NT5DC2: variants seen among roughly 807,000 people sequenced by gnomAD.
NT5DC2 encodes the protein 5'-nucleotidase domain-containing protein 2.
In NT5DC2, 41 loss-of-function variants were observed where a neutral mutation model predicts 70.0. The observed-to-expected ratio is 0.59, with a 90% CI of 0.46 to 0.76. NT5DC2 has a LOEUF of 0.76. NT5DC2 is among the 30% of genes least tolerant of loss of function. The probability of loss-of-function intolerance (pLI) is 0.00; values close to 1 mark genes in which losing one functional copy is unlikely to be tolerated. For missense variants in NT5DC2, 705 were observed against 783.2 expected, an observed-to-expected ratio of 0.90 and a Z score of 1.19; for synonymous variants, 299 against 310.4, an observed-to-expected ratio of 0.96 and a Z score of 0.39.
rs770668520 is a variant in NT5DC2 at position 52,524,748 on chromosome 3, G to A, written c.1413-17C>T. ...GTGATGCACCTGGCGAGGGAGACAC[G>A]ATGCGCTCAAGGGGTGGGCCTGGGG... On this transcript the variant is annotated splice_polypyrimidine_tract_variant and intron_variant, in intron 13 of 13. Coordinates refer to ENST00000422318, the MANE Select transcript of NT5DC2 (RefSeq NM_001134231.2). 9 of 1,612,488 alleles carry A rather than the reference G, an allele frequency of 5.6e-6. No individual in the cohort carries two copies. The highest frequency in any genetic ancestry group is 5.3e-5 in the African/African-American group (4 of 74,920).
At chr3:52,532,825 C>T (rs2079378736) in intron 1 of NT5DC2, among the ~76,000 whole-genome samples, 3 of 152,154 alleles carry the variant, frequency 2.0e-5, no homozygotes. Context: ...CCAGCACTCT[C>T]AGCTCTGGGG....
chr3:52,529,114 C>A lies in NT5DC2; in HGVS notation c.417+36G>T. The A allele has an allele frequency of 6.2e-7, 1 of 1,613,018 alleles. No homozygotes were observed. ...AAGGTGGGTCTGGCCAGCCTCCAAG[C>A]CCTGGGTTTGTTGGTGGCAAGGACC... On this transcript the variant is annotated intron_variant, in intron 2 of 13. Coordinates refer to ENST00000422318, the MANE Select transcript of NT5DC2 (RefSeq NM_001134231.2). This position sits in a 1 kb window ranked among gnomAD's most constrained non-coding sequence, Gnocchi z 4.1.
At chr3:52,525,555 C>T (rs1240043296) in intron 10 of NT5DC2, 4 of 503,618 alleles carry the variant, frequency 7.9e-6, no homozygotes, top group African/African-American at 1.9e-5. Flanking sequence ...TGGTCTCACA[C>T]GTACCCCAGG....
At position 52,524,825 on chromosome 3, in the gene NT5DC2, C is replaced by T; in HGVS notation, c.1404G>A (p.Gln468=). 6.2e-7 allele frequency: 1 copy of T among 1,612,666 alleles called. No individual in the cohort carries two copies. The highest frequency in any genetic ancestry group is 8.5e-7 in the Non-Finnish European group (1 of 1,179,992). ...QVLAAWMKER[Q]ELRCITKALF... ...TGGCCCCACCTGCTCACCTCAGCTC[C>T]TGCCGCTCTTTCATCCAGGCAGCCA... Residue 468 remains glutamine (Q), a synonymous_variant, in exon 13 of 14, where the codon CAG becomes CAA. Transcript: ENST00000422318.
At chr3:52,525,788 A>G (rs78343755) in intron 10 of NT5DC2, 6,684 of 166,378 alleles carry the variant, frequency 0.04, 416 homozygotes, top group African/African-American at 0.13. Flanking sequence ...TGAGCGGCCC[A>G]GAGCAGGAAT....
chr3:52,527,663 C>A lies in NT5DC2; in HGVS notation c.991G>T (p.Val331Phe), dbSNP rs768978763. The change falls in exon 9 of 14, where the codon GTC becomes TTC. Residue 331 changes from valine (V) to phenylalanine (F), a missense_variant. Coordinates refer to ENST00000422318, the MANE Select transcript of NT5DC2 (RefSeq NM_001134231.2). ...GPDWRQLFDVVIVQADKPSFF... is the reference protein window; with the variant it reads ...GPDWRQLFDVFIVQADKPSFF... ...CTGGGCTTGTCTGCCTGGACAATGACCACATCGAAGAGCTGGCGCCAATCG... is the reference window on the plus strand; with the variant it reads ...CTGGGCTTGTCTGCCTGGACAATGAACACATCGAAGAGCTGGCGCCAATCG... The A allele has an allele frequency of 1.2e-6, 2 of 1,613,186 alleles. No individual in the cohort carries two copies. Among genetic ancestry groups the A allele is most frequent in the Admixed American group, 3.3e-5 (2 of 60,016 alleles).
In NT5DC2 at chr3:52,533,707, G is replaced by A. The variant is rs2079391649; in HGVS notation, c.31C>T (p.Arg11Trp). ...TGGCCTCCGCACAGCAGCCAGCGCC[G>A]AGCGGCCGCCCGCAGCCCCGCACCC... The part of the protein sequence containing the change: MAGAGLRAAA[R>W]RWLLCGGHGG... The change falls in exon 1 of 14, where the codon CGG becomes TGG. Residue 11 changes from arginine to tryptophan, a missense_variant. Arg to Trp is a moderately radical substitution (Grantham distance 101). Coordinates refer to ENST00000422318, the MANE Select transcript of NT5DC2 (RefSeq NM_001134231.2). 2.0e-6 allele frequency: 2 copies of A among 1,014,462 alleles called. No homozygotes were observed. Among genetic ancestry groups the A allele is most frequent in the African/African-American group, 1.7e-5 (1 of 57,370 alleles). 62.8% of individuals were successfully genotyped at this position (1,014,462 alleles called of 1,614,324 possible).
chr3:52,528,652 AG>A lies in NT5DC2; in HGVS notation c.532del (p.Leu178TrpfsTer16). On this transcript the variant is annotated frameshift_variant, in exon 4 of 14. Coordinates refer to ENST00000422318, the MANE Select transcript of NT5DC2 (RefSeq NM_001134231.2). LOFTEE classifies it high-confidence loss of function. ...MKIDAFHYVQLGTAYRGLQPV... is the reference protein window; with the variant it reads ...MKIDAFHYVQXGTAYRGLQPV... Reference sequence around the variant, plus strand: ...GCCGACTGACCTGTAGGCTGTCCCCAGCTGCACGTAGTGGAAGGCGTCAATC... The same window carrying A: ...GCCGACTGACCTGTAGGCTGTCCCCACTGCACGTAGTGGAAGGCGTCAATC... 6.3e-7 allele frequency: 1 copy of A among 1,585,640 alleles called. No individual in the cohort carries two copies. Among genetic ancestry groups the A allele is most frequent in the South Asian group, 1.1e-5 (1 of 87,444 alleles).
At chr3:52,528,807 A>G in intron 3 of NT5DC2, 54 bp downstream of exon 3, 2 of 1,603,160 alleles carry the variant, frequency 1.2e-6, no homozygotes, top group South Asian at 1.1e-5. Flanking sequence ...AGGGGTAATG[A>G]CCATACCAAG....
At position 52,529,262 on chromosome 3, in the gene NT5DC2, C is replaced by T. The variant is rs759747006; in HGVS notation, c.305G>A (p.Arg102His). 42 of 1,613,860 alleles carry T rather than the reference C, an allele frequency of 2.6e-5. No individual in the cohort carries two copies. The highest frequency in any genetic ancestry group is 1.6e-4 in the Middle Eastern group (1 of 6,082). The change falls in exon 2 of 14, where the codon CGT (arginine) becomes CAT (histidine). Residue 102 changes from arginine to histidine, a missense_variant. Physicochemically the swap from Arg to His is conservative, Grantham distance 29. Transcript: ENST00000422318. The surrounding 1 kb of genome is among the most constrained non-coding windows in gnomAD (Gnocchi z 4.1). ...AIYANNEISLRDVEVYGFDYD... is the reference protein window; with the variant it reads ...AIYANNEISLHDVEVYGFDYD... ...GTCAAAGCCGTAGACCTCAACGTCA[C>T]GCAGGCTGATCTCGTTGTTGGCGTA...
At position 52,529,183 on chromosome 3, in the gene NT5DC2, A is replaced by T. The variant is rs35920544; in HGVS notation, c.384T>A (p.Ser128Arg). The T allele has an allele frequency of 0.03, 48,301 of 1,613,908 alleles. 2,210 individuals carry two copies. Among genetic ancestry groups the T allele is most frequent in the African/African-American group, 0.21 (16,087 of 74,930 alleles). The change falls in exon 2 of 14, where the codon AGT (serine) becomes AGA (arginine). Residue 128 changes from serine (S) to arginine (R), a missense_variant. Physicochemically the swap from Ser to Arg is moderately radical, Grantham distance 110. Coordinates refer to ENST00000422318, the MANE Select transcript of NT5DC2 (RefSeq NM_001134231.2). The surrounding 1 kb of genome is among the most constrained non-coding windows in gnomAD (Gnocchi z 4.1). ...YADALHPEIF[S>R]TARDILIEHY... ...GCTCGATCAGGATGTCACGGGCGGT[A>T]CTGAAGATCTCGGGGTGCAGTGCGT...
At position 52,527,362 on chromosome 3, in the gene NT5DC2, G is replaced by C; in HGVS notation, c.1051C>G (p.Leu351Val). Residue 351 changes from leucine to valine, a missense_variant, in exon 10 of 14, where the codon CTC (leucine) becomes GTC (valine). Physicochemically the swap from Leu to Val is conservative, Grantham distance 32. Transcript: ENST00000422318. The stretch of plus-strand genomic sequence containing the variant: ...CACTGAAGTGAGCCCTTCTCATCGA[G>C]TTTTCTGAAAGGCCTGGGGTGCAGG... Reference protein sequence around the residue: ...FTDRRKPFRKLDEKGSLQWDR... With the variant: ...FTDRRKPFRKVDEKGSLQWDR... The C allele has an allele frequency of 6.2e-7, 1 of 1,614,156 alleles. No homozygotes were observed. Among genetic ancestry groups the C allele is most frequent in the Non-Finnish European group, 8.5e-7 (1 of 1,180,018 alleles).
chr3:52,525,622 T>G, intron 10 of NT5DC2: 1 of 299,534 alleles, frequency 3.3e-6, no homozygotes, highest in Non-Finnish European at 6.4e-6. Context: ...TCTGCAGCCC[T>G]GAAGTCCTTG....
Position 52,533,706 on chromosome 3 carries a change from C to T in NT5DC2, c.32G>A (p.Arg11Gln). 9.9e-7 allele frequency: 1 copy of T among 1,014,594 alleles called. No homozygotes were observed. Among genetic ancestry groups the T allele is most frequent in the East Asian group, 9.6e-5 (1 of 10,416 alleles). The allele number at this position is 1,014,594 out of a possible 1,614,324, so 62.8% of individuals were successfully genotyped here. A position where few individuals can be genotyped will look rare whatever the true frequency, so the allele number is the denominator to read the frequency against. The change falls in exon 1 of 14, where the codon CGG becomes CAG. Residue 11 changes from arginine (R) to glutamine (Q), a missense_variant. Coordinates refer to ENST00000422318, the MANE Select transcript of NT5DC2 (RefSeq NM_001134231.2). Reference sequence around the variant, plus strand: ...GTGGCCTCCGCACAGCAGCCAGCGCCGAGCGGCCGCCCGCAGCCCCGCACC... The same window carrying T: ...GTGGCCTCCGCACAGCAGCCAGCGCTGAGCGGCCGCCCGCAGCCCCGCACC... MAGAGLRAAA[R>Q]RWLLCGGHGG...
chr3:52,533,987 G>C (rs1361140282), upstream of NT5DC2: 1 of 336,850 alleles, frequency 3.0e-6, no homozygotes, highest in Admixed American at 6.5e-5. Context: ...CCAGTCTCCG[G>C]CGCGGTCCGG....
chr3:52,529,014 T>A lies in NT5DC2; in HGVS notation c.418-79A>T. ...CTGGGTGGCCACCCCAGGGGGTCAA[T>A]CCAGCCACCTGCCCAGGGCAGCTGC... On this transcript the variant is annotated intron_variant, in intron 2 of 13. Coordinates refer to ENST00000422318, the MANE Select transcript of NT5DC2 (RefSeq NM_001134231.2). This position sits in a 1 kb window ranked among gnomAD's most constrained non-coding sequence, Gnocchi z 4.1. 6.3e-7 allele frequency: 1 copy of A among 1,587,914 alleles called. No homozygotes were observed. The highest frequency in any genetic ancestry group is 1.1e-5 in the South Asian group (1 of 90,474).
rs1575380757 is a variant in NT5DC2, at chr3:52,524,566, A to G, written c.1578T>C (p.Arg526=). ...YRVDFTFYPR[R]TPLQHEAPLW... is the part of the protein sequence containing the mutation. Reference sequence around the variant, plus strand: ...GGGGTGCCTCGTGCTGCAGCGGCGTACGGCGTGGGTAGAAGGTGAAGTCCA... The same window carrying G: ...GGGGTGCCTCGTGCTGCAGCGGCGTGCGGCGTGGGTAGAAGGTGAAGTCCA... Residue 526 remains arginine (R), a synonymous_variant, in exon 14 of 14, where the codon CGT becomes CGC. Transcript: ENST00000422318. The G allele has an allele frequency of 1.9e-6, 3 of 1,613,170 alleles. No homozygotes were observed. The highest frequency in any genetic ancestry group is 2.2e-5 in the South Asian group (2 of 91,090).
chr3:52,528,204 T>C lies in NT5DC2; in HGVS notation c.750A>G (p.Ala250=), dbSNP rs766755364. ...TCACCGTCACGTCCTTGTAGAGATG[T>C]GCTTGGTCAAACTCCAGGCTGTGGC... ...FLGHSLEFDQ[A]HLYKDVTDAI... The change falls in exon 6 of 14, where the codon GCA becomes GCG. Residue 250 remains alanine, a synonymous_variant. Transcript: ENST00000422318. 1.2e-6 allele frequency: 2 copies of C among 1,613,242 alleles called. No homozygotes were observed.
Position 52,524,989 on chromosome 3 carries a change from G to A in NT5DC2, c.1321C>T (p.Leu441Phe), listed in dbSNP as rs1316353420. Residue 441 changes from leucine to phenylalanine, a missense_variant, in exon 12 of 14, where the codon CTC becomes TTC. Transcript: ENST00000422318. The stretch of plus-strand genomic sequence containing the variant: ...TGCATGCGCTCCAGCAGCCCCGTGA[G>A]CGCCTGCTGCCACGTCAGCGAGTGC... Reference protein sequence around the residue: ...YMHSLTWQQALTGLLERMQTY... With the variant: ...YMHSLTWQQAFTGLLERMQTY... The A allele has an allele frequency of 6.2e-7, 1 of 1,610,962 alleles. No homozygotes were observed. Among genetic ancestry groups the A allele is most frequent in the Non-Finnish European group, 8.5e-7 (1 of 1,179,416 alleles).
Sources: gnomAD v4.1 joint callset for allele counts (sites outside exome capture counted in the v4.1 genomes callset) on GRCh38, gnomAD v4.1.1 for gene constraint, Gnocchi (gnomAD v3.1) non-coding constraint, MANE v1.5 for transcripts, NCBI Gene and HGNC (gene_info 2026-07-23, HGNC 2026-07-21) for gene names.